Variants in PLCB1 observed in about 807,000 individuals in gnomAD.
The protein encoded by PLCB1 is 1-phosphatidylinositol 4,5-bisphosphate phosphodiesterase beta-1.
PLCB1 carries 46 observed loss-of-function variants against 161.8 expected under a neutral mutation model. That is an observed-to-expected ratio of 0.28 (90% confidence interval 0.22 to 0.36). The LOEUF (loss-of-function observed/expected upper bound fraction) is 0.36. Among genes scored for constraint, PLCB1 ranks in the 10% least tolerant of loss-of-function variants. The pLI is 1.00. For missense variants in PLCB1, 1,016 were observed against 1,472.5 expected, an observed-to-expected ratio of 0.69 and a Z score of 5.07; for synonymous variants, 517 against 503.7, an observed-to-expected ratio of 1.03 and a Z score of -0.35.
chr20:8,769,874 A>G (rs1361831034), intron 26 of PLCB1, among the ~76,000 whole-genome samples: 1 of 152,212 alleles, frequency 6.6e-6, no homozygotes, highest in Admixed American at 6.5e-5. Context: ...GTGACATATG[A>G]TTTAACACAT....
chr20:8,268,509 A>G lies in PLCB1; in HGVS notation c.178-102873A>G, dbSNP rs544747440. 5.9e-5 allele frequency among the ~76,000 whole-genome samples: 9 copies of G among 152,258 alleles called. No individual in the cohort carries two copies. The East Asian group carries it at 1.2e-3, about 20-fold the overall frequency. On this transcript the variant is annotated intron_variant, in intron 2 of 31. Coordinates refer to ENST00000338037, the MANE Select transcript of PLCB1 (RefSeq NM_015192.4). Reference sequence around the variant, plus strand: ...TAATGGGATGGCTGGATCAAATGGTATTTCTAGTTCTAGATCCTTGAGGAA... The same window carrying G: ...TAATGGGATGGCTGGATCAAATGGTGTTTCTAGTTCTAGATCCTTGAGGAA...
chr20:8,637,848 T>C (rs894356425), intron 4 of PLCB1, among the ~76,000 whole-genome samples: 3 of 152,222 alleles, frequency 2.0e-5, no homozygotes, highest in African/African-American at 7.2e-5. Context: ...GCAAATAAAG[T>C]CATAATTATG....
intron 3 of PLCB1, among the ~76,000 whole-genome samples, chr20:8,403,733 T>C (rs975340274): frequency 6.6e-6 from 1 of 152,164 alleles, no homozygotes; most frequent in Non-Finnish European, 1.5e-5. Flanking sequence ...GCAAGACAGA[T>C]TGTGGATTGC....
intron 9 of PLCB1, among the ~76,000 whole-genome samples, chr20:8,671,706 G>A (rs563716026): frequency 3.9e-5 from 6 of 152,286 alleles, no homozygotes; most frequent in African/African-American, 1.4e-4. Context: ...CCAGATTGAA[G>A]CCAACTGCCA....
chr20:8,228,991 T>C (rs1366098268), intron 2 of PLCB1, among the ~76,000 whole-genome samples: 1 of 152,104 alleles, frequency 6.6e-6, no homozygotes, highest in African/African-American at 2.4e-5. Context: ...ACTCATTCCT[T>C]TCATCTAGCT....
At chr20:8,657,346 G>A (rs1989490556) in intron 8 of PLCB1, 62 bp downstream of exon 8, 5 of 951,246 alleles carry the variant, frequency 5.3e-6, no homozygotes, top group Non-Finnish European at 8.7e-6. Flanking sequence ...GGTGGCTAGA[G>A]CAGGACTTGG....
chr20:8,487,509 A>G (rs1982779292), intron 3 of PLCB1, among the ~76,000 whole-genome samples: 2 of 152,192 alleles, frequency 1.3e-5, no homozygotes, highest in Non-Finnish European at 2.9e-5. Context: ...GCTCAAGTGT[A>G]GAAGGGTTTT....
rs147648227 is a variant in PLCB1 at position 8,658,694 on chromosome 20, C to T, written c.852C>T (p.Leu284=). 44 of 1,602,664 alleles carry T rather than the reference C, an allele frequency of 2.7e-5. No individual in the cohort carries two copies. Among genetic ancestry groups the T allele is most frequent in the African/African-American group, 6.8e-5 (5 of 74,000 alleles). ...AGAAGTATGAACCCAACAACAGCCT[C>T]GCCAGAAAAGGTCAGTACTTTCTTT... ...LIEKYEPNNS[L]ARKGQISVDG... is the part of the protein sequence containing the mutation. Residue 284 remains leucine (L), a synonymous_variant, in exon 9 of 32, where the codon CTC becomes CTT. Transcript: ENST00000338037.
At chr20:8,846,002 G>A (rs544190407) in intron 31 of PLCB1, among the ~76,000 whole-genome samples, 15 of 152,284 alleles carry the variant, frequency 9.9e-5, no homozygotes, top group African/African-American at 3.4e-4. Context: ...GGTATCACAC[G>A]AAGGAATTGC....
intron 3 of PLCB1, among the ~76,000 whole-genome samples, chr20:8,425,994 CCT>C (rs1392214746): frequency 6.6e-6 from 1 of 152,200 alleles, no homozygotes; most frequent in Non-Finnish European, 1.5e-5. Context: ...TAAGCTCACC[CCT>C]CTTTCACTTT....
intron 3 of PLCB1, among the ~76,000 whole-genome samples, chr20:8,547,524 C>A (rs1985597469): frequency 1.3e-5 from 2 of 151,108 alleles, no homozygotes; most frequent in African/African-American, 4.9e-5. Context: ...ATCCTTTTTA[C>A]CTCCCTCTTC....
At chr20:8,517,537 C>T (rs1017885901) in intron 3 of PLCB1, among the ~76,000 whole-genome samples, 5 of 152,158 alleles carry the variant, frequency 3.3e-5, no homozygotes, top group African/African-American at 7.2e-5. Context: ...CAACTGCTAG[C>T]AATCAGCATG....
intron 31 of PLCB1, among the ~76,000 whole-genome samples, chr20:8,845,765 A>C (rs55875629): frequency 0.32 from 48,709 of 152,052 alleles, 8,798 homozygotes; most frequent in East Asian, 0.63. Flanking sequence ...AAAAAAGAAA[A>C]TCACTAAGCA....
chr20:8,579,925 G>A (rs561159584), intron 3 of PLCB1, among the ~76,000 whole-genome samples: 1 of 152,320 alleles, frequency 6.6e-6, no homozygotes, highest in Admixed American at 6.5e-5. Flanking sequence ...AAATAGGCAA[G>A]GTAATGTAAG....
At chr20:8,792,649 G>A (rs985183550) in intron 31 of PLCB1, 33 of 470,864 alleles carry the variant, frequency 7.0e-5, no homozygotes, top group African/African-American at 2.0e-4. Context: ...ATCTTTTTGT[G>A]TCTGGATTTG....
intron 2 of PLCB1, among the ~76,000 whole-genome samples, chr20:8,324,972 T>C (rs752919288): frequency 1.3e-5 from 2 of 152,238 alleles, no homozygotes; most frequent in African/African-American, 2.4e-5. Context: ...TTTTTGATAA[T>C]TAAAGATACT....
intron 2 of PLCB1, among the ~76,000 whole-genome samples, chr20:8,309,387 C>T (rs1213656847): frequency 2.0e-5 from 3 of 152,166 alleles, no homozygotes; most frequent in Admixed American, 1.3e-4. Context: ...AATTCCTATG[C>T]CGCTGTAATG....
chr20:8,537,143 G>C (rs923107134), intron 3 of PLCB1, among the ~76,000 whole-genome samples: 2 of 152,130 alleles, frequency 1.3e-5, no homozygotes, highest in Non-Finnish European at 2.9e-5. Flanking sequence ...CGAGATAGAG[G>C]CAAGTTTTAG....
At chr20:8,499,623 A>G (rs938127397) in intron 3 of PLCB1, among the ~76,000 whole-genome samples, 1 of 152,216 alleles carries the variant, frequency 6.6e-6, no homozygotes, top group African/African-American at 2.4e-5. Flanking sequence ...ATATGTGCCA[A>G]TATCTACCCT....
Sources: allele counts gnomAD v4.1 joint callset (sites outside exome capture counted in the v4.1 genomes callset), GRCh38; gene constraint gnomAD v4.1.1; transcripts MANE v1.5; gene names NCBI Gene and HGNC (gene_info 2026-07-23, HGNC 2026-07-21).